MMP20: variants seen among roughly 807,000 people sequenced by gnomAD.
The protein encoded by MMP20 is matrix metalloproteinase-20.
Under a neutral mutation model 51.8 loss-of-function variants are expected in MMP20, and 50 were observed. The observed-to-expected ratio is 0.97, with a 90% confidence interval of 0.77 to 1.22. The LOEUF is 1.22. Ranked by LOEUF, MMP20 falls within the 50% of genes most tolerant of loss-of-function variation. The pLI, the probability that MMP20 is intolerant of heterozygous loss-of-function variation, is 0.00. For missense variants in MMP20, 663 were observed against 601.4 expected (o/e 1.10, Z -1.07); for synonymous variants, 244 against 216.2 (o/e 1.13, Z -1.13).
At chr11:102,585,809 GT>G (rs757415766) in intron 8 of MMP20, among the ~76,000 whole-genome samples, 1 of 152,014 alleles carries the variant, frequency 6.6e-6, no homozygotes, top group African/African-American at 2.4e-5. Context: ...GTTGCTGAAT[GT>G]TTTTTTATCA....
chr11:102,606,922 T>C, intron 5 of MMP20: 1 of 500,760 alleles, frequency 2.0e-6, no homozygotes, highest in Non-Finnish European at 3.7e-6. Flanking sequence ...ATAATAATAG[T>C]ACTCACCTCA....
In MMP20 at chr11:102,616,656, T is replaced by A. The variant is rs545723898; in HGVS notation, c.374+156A>T. ...GTATTTTCTGGTGAATTGCCCATTG[T>A]CATTGCCTGACGGATGGATGTAAAA... On this transcript the variant is annotated intron_variant, in intron 2 of 9. Transcript: ENST00000260228. Among the ~76,000 whole-genome samples the A allele has an allele frequency of 5.9e-5, 9 of 152,334 alleles. 1 individual carries two copies. The South Asian group carries it at 1.9e-3, about 32-fold the overall frequency.
chr11:102,606,453 A>C lies in MMP20; in HGVS notation c.953+82T>G, dbSNP rs532153612. ...TTTCTGCATGATCTTCATACAAGGC[A>C]GCAACAAGGACCTGTGGGACGACGT... On this transcript the variant is annotated intron_variant, in intron 6 of 9. Coordinates refer to ENST00000260228, the MANE Select transcript of MMP20 (RefSeq NM_004771.4). 29 of 1,558,250 alleles carry C rather than the reference A, an allele frequency of 1.9e-5. No homozygotes were observed. The South Asian group carries it at 3.2e-4, about 17-fold the overall frequency.
intron 8 of MMP20, among the ~76,000 whole-genome samples, chr11:102,582,585 G>C (rs1177495244): frequency 2.0e-5 from 3 of 152,184 alleles, no homozygotes; most frequent in Non-Finnish European, 2.9e-5. Context: ...GGAATGAAGA[G>C]AAGGCAGGAG....
At chr11:102,612,972 G>A (rs1260129736) in intron 2 of MMP20, among the ~76,000 whole-genome samples, 5 of 151,948 alleles carry the variant, frequency 3.3e-5, no homozygotes, top group Non-Finnish European at 5.9e-5. Context: ...GCTGACCTCA[G>A]GTGATCCGCC....
intron 6 of MMP20, among the ~76,000 whole-genome samples, chr11:102,602,225 C>G (rs1859457588): frequency 6.7e-6 from 1 of 150,186 alleles, no homozygotes; most frequent in Non-Finnish European, 1.5e-5. Flanking sequence ...ACCTCGGCCT[C>G]CCAAAGTGCT....
intron 8 of MMP20, among the ~76,000 whole-genome samples, chr11:102,584,896 A>G (rs796948982): frequency 3.9e-5 from 6 of 152,196 alleles, no homozygotes; most frequent in African/African-American, 1.4e-4. Flanking sequence ...TCTCCTTTGA[A>G]TGACTTTATA....
At chr11:102,597,167 T>C (rs987102574) in intron 6 of MMP20, among the ~76,000 whole-genome samples, 1 of 152,182 alleles carries the variant, frequency 6.6e-6, no homozygotes, top group Admixed American at 6.5e-5. Context: ...TGAGGTGTAG[T>C]AGACTTCCAG....
chr11:102,595,914 A>G (rs1000675560), intron 6 of MMP20, among the ~76,000 whole-genome samples: 5 of 152,246 alleles, frequency 3.3e-5, no homozygotes, highest in Non-Finnish European at 7.3e-5. Flanking sequence ...GGAAACTGTA[A>G]TAAAATTTTG....
intron 6 of MMP20, among the ~76,000 whole-genome samples, chr11:102,604,539 G>C (rs1416309222): frequency 6.6e-6 from 1 of 152,212 alleles, no homozygotes; most frequent in Non-Finnish European, 1.5e-5. Context: ...CTATGTGTCT[G>C]GCACATTACT....
rs755736935 is a variant in MMP20, at chr11:102,579,129, T to G, written c.1261A>C (p.Lys421Gln). 3.1e-6 allele frequency: 5 copies of G among 1,612,134 alleles called. No individual in the cohort carries two copies. The East Asian group carries it at 1.1e-4, about 36-fold the overall frequency. ...GDEYYSYDER[K>Q]RKMEKDYPKN... ...GGATAGTCTTTTTCCATTTTCCTTT[T>G]CCTTTCGTCGTAGCTAGAAAAAGTA... is the stretch of plus-strand genomic sequence containing the variant. The change falls in exon 9 of 10, where the codon AAA becomes CAA. Residue 421 changes from lysine (K) to glutamine (Q), a missense_variant. Physicochemically the swap from Lys to Gln is moderately conservative, Grantham distance 53. Coordinates refer to ENST00000260228, the MANE Select transcript of MMP20 (RefSeq NM_004771.4).
intron 6 of MMP20, among the ~76,000 whole-genome samples, chr11:102,596,272 GA>G (rs1418039539): frequency 6.6e-6 from 1 of 152,174 alleles, no homozygotes; most frequent in Non-Finnish European, 1.5e-5. Flanking sequence ...AATGTATTGG[GA>G]AAAGATAAAT....
Position 102,611,814 on chromosome 11 carries a change from A to T in MMP20, c.464T>A (p.Leu155Gln). 1 of 1,614,266 alleles carries T rather than the reference A, an allele frequency of 6.2e-7. No individual in the cohort carries two copies. The highest frequency in any genetic ancestry group is 8.5e-7 in the Non-Finnish European group (1 of 1,180,038). ...ALQAWSSAVP[L>Q]SFVRINSGEA... is the part of the protein sequence containing the mutation. ...TCCTGAGTTTATTCTGACAAAGCTC[A>T]GAGGGACGGCGCTACTCCAGGCCTG... The change falls in exon 3 of 10, where the codon CTG becomes CAG. Residue 155 changes from leucine to glutamine, a missense_variant. By Grantham distance (113) the Leu-to-Gln change is moderately radical. Transcript: ENST00000260228.
intron 1 of MMP20, among the ~76,000 whole-genome samples, chr11:102,621,227 GTTATGGCTACATGGCT>G (rs1391164656): frequency 6.6e-6 from 1 of 152,212 alleles, no homozygotes; most frequent in African/African-American, 2.4e-5. Context: ...GCCTTCCCAT[GTTATGGCTACATGGCT>G]GTGATAACAA....
At chr11:102,594,796 G>T (rs751930917) in intron 6 of MMP20, 39 bp from the exon 7 acceptor site, 12 of 1,503,450 alleles carry the variant, frequency 8.0e-6, no homozygotes, top group Non-Finnish European at 8.2e-6. Context: ...AAAAAATCAA[G>T]ATCAATGATT....
intron 8 of MMP20, among the ~76,000 whole-genome samples, chr11:102,587,690 A>G (rs1483802509): frequency 2.0e-5 from 3 of 152,142 alleles, no homozygotes; most frequent in Non-Finnish European, 4.4e-5. Flanking sequence ...TTGTCATTAT[A>G]AAATGTCCTT....
chr11:102,621,625 T>G (rs780839265), intron 1 of MMP20, among the ~76,000 whole-genome samples: 3 of 152,244 alleles, frequency 2.0e-5, no homozygotes, highest in Admixed American at 6.5e-5. Context: ...AAATAATTGT[T>G]TAAATTAGCT....
chr11:102,611,302 C>A (rs568848274), intron 3 of MMP20, among the ~76,000 whole-genome samples: 3 of 152,208 alleles, frequency 2.0e-5, no homozygotes, highest in African/African-American at 4.8e-5. Context: ...AGAAACGATA[C>A]TTTCCTAACC....
At chr11:102,618,521 C>T (rs992452793) in intron 1 of MMP20, among the ~76,000 whole-genome samples, 5 of 151,652 alleles carry the variant, frequency 3.3e-5, no homozygotes, top group Non-Finnish European at 7.4e-5. Flanking sequence ...TTATATGAGA[C>T]AGTACTAGGC....
Sources: gnomAD v4.1 joint callset for allele counts (sites outside exome capture counted in the v4.1 genomes callset) on GRCh38, gnomAD v4.1.1 for gene constraint, MANE v1.5 for transcripts, NCBI Gene and HGNC (gene_info 2026-07-23, HGNC 2026-07-21) for gene names.